KAZN: variants seen among roughly 807,000 people sequenced by gnomAD.
The protein encoded by KAZN is kazrin, periplakin interacting protein.
Under a neutral mutation model 87.4 loss-of-function variants are expected in KAZN, and 40 were observed. The observed-to-expected ratio is 0.46, with a 90% CI of 0.36 to 0.60. The LOEUF is 0.60. KAZN is among the 20% of genes least tolerant of loss of function. KAZN has a pLI of 0.00. For synonymous variants in KAZN, 466 were observed against 458.3 expected (o/e 1.02, Z -0.22); for missense variants, 898 against 1,073.9 (o/e 0.84, Z 2.29).
At chr1:15,042,844 C>T (rs72639848) in intron 3 of KAZN, among the ~76,000 whole-genome samples, 57 of 152,296 alleles carry the variant, frequency 3.7e-4, no homozygotes, top group African/African-American at 7.2e-5. Flanking sequence ...CCAGGCCACA[C>T]GGAGACCTTG....
chr1:14,101,005 C>T lies in KAZN; in HGVS notation c.92-79430C>T, dbSNP rs565292276. 1.4e-4 allele frequency among the ~76,000 whole-genome samples: 22 copies of T among 152,324 alleles called. No individual in the cohort carries two copies. The East Asian group carries it at 2.1e-3, about 15-fold the overall frequency. On this transcript the variant is annotated intron_variant, in intron 1 of 16. Coordinates refer to the KAZN transcript ENST00000636203. ...ATATGACTTACTCCTCCTTGCCTTCCGCCATAATCGTGAGGCTTCCCCAGC... is the reference window on the plus strand; with the variant it reads ...ATATGACTTACTCCTCCTTGCCTTCTGCCATAATCGTGAGGCTTCCCCAGC...
intron 3 of KAZN, 27 bp from the exon 4 acceptor site, chr1:15,043,961 CG>C: frequency 6.3e-7 from 1 of 1,584,144 alleles, no homozygotes; most frequent in Non-Finnish European, 8.6e-7. Context: ...GTAACACCCA[CG>C]GTGCTCTCTC....
rs1186360349 is a variant in KAZN at position 14,411,467 on chromosome 1, G to C, written c.250-187516G>C. Among the ~76,000 whole-genome samples the C allele has an allele frequency of 2.0e-5, 3 of 152,124 alleles. No individual in the cohort carries two copies. The South Asian group carries it at 6.2e-4, about 32-fold the overall frequency. ...GCACCATCACACCCAGCTAATTTTTGTATTTTTTAATAGAGATGGGGTTTT... is the reference window on the plus strand; with the variant it reads ...GCACCATCACACCCAGCTAATTTTTCTATTTTTTAATAGAGATGGGGTTTT... On this transcript the variant is annotated intron_variant, in intron 2 of 16. Transcript: ENST00000636203.
intron 2 of KAZN, among the ~76,000 whole-genome samples, chr1:14,384,512 G>T (rs1309169793): frequency 6.6e-6 from 1 of 152,130 alleles, no homozygotes; most frequent in Admixed American, 6.5e-5. Context: ...TTTATTGAGA[G>T]TTTTTAGCAT....
intron 1 of KAZN, among the ~76,000 whole-genome samples, chr1:14,765,532 G>A (rs372516471): frequency 6.6e-6 from 1 of 152,222 alleles, no homozygotes; most frequent in Non-Finnish European, 1.5e-5. Flanking sequence ...AGCAGCTAAG[G>A]TGGAATTTGG....
At chr1:14,597,733 A>G (rs578233709), upstream of KAZN, among the ~76,000 whole-genome samples, 1 of 152,226 alleles carries the variant, frequency 6.6e-6, no homozygotes, top group South Asian at 2.1e-4. Context: ...CCTGTTGACC[A>G]GAGGGTTGCT....
intron 1 of KAZN, among the ~76,000 whole-genome samples, chr1:14,631,602 G>T (rs1399536829): frequency 6.6e-6 from 1 of 152,252 alleles, no homozygotes; most frequent in East Asian, 1.9e-4. Context: ...GTGTCCAGCT[G>T]GTGGCCCCGC....
intron 1 of KAZN, among the ~76,000 whole-genome samples, chr1:14,798,849 C>G (rs925276547): frequency 4.6e-5 from 7 of 151,728 alleles, no homozygotes; most frequent in Non-Finnish European, 1.5e-5. Flanking sequence ...CAGCCTCTGC[C>G]TCCCGGGCTC....
chr1:15,068,696 A>T (rs527949557), intron 8 of KAZN, among the ~76,000 whole-genome samples: 41 of 151,868 alleles, frequency 2.7e-4, no homozygotes, highest in Non-Finnish European at 5.4e-4. Flanking sequence ...TACAAAACTC[A>T]GGCCTCCCCC....
chr1:13,973,178 C>G (rs138086814), intron 1 of KAZN, among the ~76,000 whole-genome samples: 26 of 152,196 alleles, frequency 1.7e-4, no homozygotes, highest in Non-Finnish European at 3.7e-4. Context: ...TTATTCCAGA[C>G]GATGTACTAA....
intron 2 of KAZN, among the ~76,000 whole-genome samples, chr1:14,375,486 GGCAAGAT>G (rs1660823622): frequency 6.6e-6 from 1 of 152,140 alleles, no homozygotes; most frequent in Non-Finnish European, 1.5e-5. Context: ...GTTTCCCACA[GGCAAGAT>G]GCTCATACTA....
intron 1 of KAZN, among the ~76,000 whole-genome samples, chr1:14,621,032 G>A (rs1206035275): frequency 2.6e-5 from 4 of 152,146 alleles, no homozygotes; most frequent in Non-Finnish European, 5.9e-5. Flanking sequence ...TGGCCACAGA[G>A]CAGATAGGCA....
intron 1 of KAZN, among the ~76,000 whole-genome samples, chr1:13,991,607 G>A (rs541767796): frequency 6.6e-6 from 1 of 152,050 alleles, no homozygotes; most frequent in East Asian, 1.9e-4. Flanking sequence ...TCATTTCATT[G>A]GAAGTTTATG....
intron 1 of KAZN, among the ~76,000 whole-genome samples, chr1:14,173,116 C>T (rs7554049): frequency 0.12 from 18,662 of 152,110 alleles, 1,257 homozygotes; most frequent in East Asian, 0.33. Context: ...GGATTCTGAC[C>T]TTATTTCTCA....
intron 1 of KAZN, among the ~76,000 whole-genome samples, chr1:14,827,667 C>T (rs994493269): frequency 2.6e-5 from 4 of 152,214 alleles, no homozygotes; most frequent in African/African-American, 9.6e-5. Context: ...GCCCCAGAGG[C>T]TGGTAAGCAG....
chr1:13,942,350 C>T (rs1379637099), intron 1 of KAZN, among the ~76,000 whole-genome samples: 1 of 150,032 alleles, frequency 6.7e-6, no homozygotes, highest in Non-Finnish European at 1.5e-5. Flanking sequence ...ACCATCCTGG[C>T]TAACAAGGTG....
chr1:14,902,483 C>T (rs1656044904), intron 1 of KAZN, among the ~76,000 whole-genome samples: 1 of 152,132 alleles, frequency 6.6e-6, no homozygotes, highest in South Asian at 2.1e-4. Flanking sequence ...CTGCCTCGGC[C>T]TCCCAAAGTG....
At chr1:15,092,071 TG>T (rs1640566221) in intron 8 of KAZN, among the ~76,000 whole-genome samples, 1 of 139,612 alleles carries the variant, frequency 7.2e-6, no homozygotes. Context: ...TTTTTTTTTT[TG>T]ATTTTTTTTT....
intron 1 of KAZN, among the ~76,000 whole-genome samples, chr1:13,996,519 G>T (rs766002932): frequency 1.3e-5 from 2 of 152,206 alleles, no homozygotes; most frequent in African/African-American, 2.4e-5. Flanking sequence ...TCAGGGGAGG[G>T]AGGGAGGCTG....
Sources: allele counts gnomAD v4.1 joint callset (sites outside exome capture counted in the v4.1 genomes callset), GRCh38; gene constraint gnomAD v4.1.1; transcripts MANE v1.5; gene names NCBI Gene and HGNC (gene_info 2026-07-23, HGNC 2026-07-21).